PPP2R2B: variants seen among roughly 807,000 people sequenced by gnomAD.
PPP2R2B encodes serine/threonine-protein phosphatase 2A 55 kDa regulatory subunit B beta isoform.
In PPP2R2B, 5 loss-of-function variants were observed where a neutral mutation model predicts 46.0. The ratio of observed to expected loss-of-function variants is 0.11; its 90% confidence interval spans 0.06 to 0.23. The LOEUF (loss-of-function observed/expected upper bound fraction) is 0.23. Among genes scored for constraint, PPP2R2B ranks in the 10% least tolerant of loss-of-function variants. The probability of loss-of-function intolerance (pLI) is 1.00; values close to 1 mark genes in which losing one functional copy is unlikely to be tolerated. For synonymous variants in PPP2R2B, 215 were observed against 206.7 expected (o/e 1.04, Z -0.34); for missense variants, 367 against 575.0 (o/e 0.64, Z 3.70).
intron 1 of PPP2R2B, among the ~76,000 whole-genome samples, chr5:146,976,356 C>T (rs963985726): frequency 2.6e-5 from 4 of 151,906 alleles, no homozygotes; most frequent in Non-Finnish European, 4.4e-5. Context: ...AGGCTGGTCT[C>T]GAACTCCTGG....
At chr5:146,706,391 C>T (rs1452799106) in intron 2 of PPP2R2B, 2 of 735,190 alleles carry the variant, frequency 2.7e-6, no homozygotes, top group Non-Finnish European at 4.6e-6. Flanking sequence ...GCTCACACCA[C>T]CTGCATAGCC....
chr5:146,691,151 G>T lies in PPP2R2B; in HGVS notation c.424C>A (p.Pro142Thr). 1 of 1,614,080 alleles carries T rather than the reference G, an allele frequency of 6.2e-7. No individual in the cohort carries two copies. Residue 142 changes from proline (P) to threonine (T), a missense_variant, in exon 5 of 10, where the codon CCT becomes ACT. Pro to Thr is a conservative substitution (Grantham distance 38, BLOSUM62 -1). Around this residue, in one of 2 missense-constraint regions of PPP2R2B, gnomAD observed 361 missense variants for 545.5 expected, o/e 0.66. Coordinates refer to ENST00000394411, the MANE Select transcript of PPP2R2B (RefSeq NM_181675.4). ...LKDEEGRLRD[P>T]ATITTLRVPV... ...ACCCGCAGGGTTGTGATGGTGGCAG[G>T]ATCCCGGAGCCGGCCCTCCTCATCT...
intron 5 of PPP2R2B, among the ~76,000 whole-genome samples, chr5:146,666,814 G>A (rs543925228): frequency 6.6e-6 from 1 of 152,296 alleles, no homozygotes; most frequent in Admixed American, 6.5e-5. Flanking sequence ...TTCTGTTTCT[G>A]TATGTTAAAA....
At chr5:146,857,463 G>T (rs1237748603) in intron 2 of PPP2R2B, among the ~76,000 whole-genome samples, 1 of 152,002 alleles carries the variant, frequency 6.6e-6, no homozygotes, top group Non-Finnish European at 1.5e-5. Context: ...CCTGCTGATG[G>T]TGCATGGAGT....
intron 1 of PPP2R2B, among the ~76,000 whole-genome samples, chr5:146,889,876 A>AT (rs1166787004): frequency 6.6e-6 from 1 of 152,214 alleles, no homozygotes; most frequent in Non-Finnish European, 1.5e-5. Flanking sequence ...TGGCAAAGTT[A>AT]TAGCTAAAAA....
intron 2 of PPP2R2B, among the ~76,000 whole-genome samples, chr5:146,796,544 G>T (rs773351787): frequency 4.6e-5 from 7 of 152,132 alleles, no homozygotes; most frequent in Admixed American, 1.3e-4. Flanking sequence ...GGCAAATAAG[G>T]CAAAATCTCT....
chr5:147,064,108 C>A (rs1449733181), intron 2 of PPP2R2B, among the ~76,000 whole-genome samples: 1 of 152,140 alleles, frequency 6.6e-6, no homozygotes, highest in Non-Finnish European at 1.5e-5. Flanking sequence ...GTTTGGCCTG[C>A]AGAGTATTGT....
At chr5:146,813,917 A>G (rs1413668136) in intron 2 of PPP2R2B, among the ~76,000 whole-genome samples, 1 of 152,178 alleles carries the variant, frequency 6.6e-6, no homozygotes, top group African/African-American at 2.4e-5. Flanking sequence ...TTAGACCAGG[A>G]CAGGAAGTGG....
At chr5:146,620,917 C>T (rs946385714) in intron 7 of PPP2R2B, among the ~76,000 whole-genome samples, 12 of 152,188 alleles carry the variant, frequency 7.9e-5, no homozygotes, top group East Asian at 1.9e-4. Context: ...GCCATGGCAC[C>T]GCAGAGGCCA....
chr5:146,686,621 C>T (rs1232613734), intron 5 of PPP2R2B, among the ~76,000 whole-genome samples: 1 of 151,860 alleles, frequency 6.6e-6, no homozygotes, highest in Non-Finnish European at 1.5e-5. Flanking sequence ...AAATTGTATT[C>T]ATCACATCAC....
At chr5:146,681,185 T>C (rs1220002875) in intron 5 of PPP2R2B, among the ~76,000 whole-genome samples, 1 of 152,242 alleles carries the variant, frequency 6.6e-6, no homozygotes, top group African/African-American at 2.4e-5. Flanking sequence ...TAATGCATAA[T>C]GAGCAGAGGC....
At chr5:147,033,302 C>T (rs868124633) in intron 1 of PPP2R2B, among the ~76,000 whole-genome samples, 3 of 152,112 alleles carry the variant, frequency 2.0e-5, no homozygotes, top group African/African-American at 7.2e-5. Flanking sequence ...TCATTCTGTT[C>T]TCTTCCCAAA....
rs1380372397 is a variant in PPP2R2B, at chr5:146,878,639, C to T, written c.-173G>A. On this transcript the variant is annotated 5_prime_UTR_variant, in exon 1 of 10. Coordinates refer to ENST00000394411, the MANE Select transcript of PPP2R2B (RefSeq NM_181675.4). This position sits in a 1 kb window ranked among gnomAD's most constrained non-coding sequence, Gnocchi z 4.5. The stretch of plus-strand genomic sequence containing the variant: ...CCCACGGGAGGGCGGCTCCGGCAGG[C>T]GGGGGTAGGGAAGCTGGCGGGGAGC... 14 of 1,251,606 alleles carry T rather than the reference C, an allele frequency of 1.1e-5. No individual in the cohort carries two copies. In the South Asian group the frequency reaches 1.5e-4, roughly 13 times the overall value. The allele number at this position is 1,251,606 out of a possible 1,614,324, so 77.5% of individuals were successfully genotyped here. A position where few individuals can be genotyped will look rare whatever the true frequency, so the allele number is the denominator to read the frequency against.
intron 5 of PPP2R2B, among the ~76,000 whole-genome samples, chr5:146,684,787 G>A (rs917802783): frequency 1.3e-5 from 2 of 152,052 alleles, no homozygotes; most frequent in Non-Finnish European, 2.9e-5. Context: ...TGTGGTCCAG[G>A]GACCACCTGC....
At chr5:146,850,505 A>G (rs1296044476) in intron 2 of PPP2R2B, among the ~76,000 whole-genome samples, 1 of 152,130 alleles carries the variant, frequency 6.6e-6, no homozygotes, top group Admixed American at 6.6e-5. Flanking sequence ...CACACTGGCC[A>G]CCTTTCACTT....
At chr5:146,926,058 T>G (rs1763772458) in intron 1 of PPP2R2B, among the ~76,000 whole-genome samples, 1 of 152,212 alleles carries the variant, frequency 6.6e-6, no homozygotes, top group Non-Finnish European at 1.5e-5. Context: ...CTTTAATTCT[T>G]TAAACATGGC....
At chr5:146,835,636 C>G (rs184809417) in intron 2 of PPP2R2B, among the ~76,000 whole-genome samples, 1 of 152,262 alleles carries the variant, frequency 6.6e-6, no homozygotes, top group Non-Finnish European at 1.5e-5. Flanking sequence ...GATGAAGAAA[C>G]TGAAGCCAAG....
chr5:146,684,290 A>G (rs1370465836), intron 5 of PPP2R2B, among the ~76,000 whole-genome samples: 2 of 152,226 alleles, frequency 1.3e-5, no homozygotes, highest in Non-Finnish European at 2.9e-5. Flanking sequence ...ATCAAAGCAT[A>G]TACCGAAAAT....
chr5:147,018,531 A>G (rs2151883459), intron 1 of PPP2R2B, among the ~76,000 whole-genome samples: 1 of 152,272 alleles, frequency 6.6e-6, no homozygotes, highest in East Asian at 1.9e-4. Context: ...TCATCACTGG[A>G]TTCTATTATT....
Sources: gnomAD v4.1 joint callset for allele counts (sites outside exome capture counted in the v4.1 genomes callset) on GRCh38, gnomAD v4.1.1 for gene constraint, gnomAD v4.1.1 regional missense constraint, Gnocchi (gnomAD v3.1) non-coding constraint, MANE v1.5 for transcripts, NCBI Gene and HGNC (gene_info 2026-07-23, HGNC 2026-07-21) for gene names.